TOGARAM2: variants seen among roughly 807,000 people sequenced by gnomAD.
The protein encoded by TOGARAM2 is TOG array regulator of axonemal microtubules 2, also known as TOG array regulator of axonemal microtubules protein 2.
Under a neutral mutation model 93.3 loss-of-function variants are expected in TOGARAM2, and 85 were observed. The ratio of observed to expected loss-of-function variants is 0.91; its 90% confidence interval spans 0.76 to 1.09. The LOEUF is 1.09. Ranked by LOEUF, TOGARAM2 falls within the 50% of genes least tolerant of loss-of-function variation. The pLI is 0.00. For synonymous variants in TOGARAM2, 593 were observed against 552.8 expected, an observed-to-expected ratio of 1.07 and a Z score of -1.02; for missense variants, 1,277 against 1,334.5, an observed-to-expected ratio of 0.96 and a Z score of 0.67.
chr2:28,975,409 C>G (rs368217832), intron 1 of TOGARAM2, among the ~76,000 whole-genome samples: 2 of 151,890 alleles, frequency 1.3e-5, no homozygotes, highest in African/African-American at 2.4e-5. Flanking sequence ...AGGATGGTCT[C>G]GATCTCCTGA....
Position 29,004,939 on chromosome 2 carries a change from T to TGCATGTGTGA in TOGARAM2, c.830+1258_830+1259insCATGTGTGAG, listed in dbSNP as rs1553338691. On this transcript the variant is annotated intron_variant, in intron 6 of 19. Coordinates refer to ENST00000379558, the MANE Select transcript of TOGARAM2 (RefSeq NM_199280.4). ...ATGTGTACGTGTGTGAGTGCATGTG[T>TGCATGTGTGA]GTGCATGTGTGTGCATGTGTATGTG... is the stretch of plus-strand genomic sequence containing the variant. Among the ~76,000 whole-genome samples, 791 of 106,824 alleles carry TGCATGTGTGA rather than the reference T, an allele frequency of 7.4e-3. 167 individuals carry two copies. Among genetic ancestry groups the TGCATGTGTGA allele is most frequent in the African/African-American group, 0.029 (758 of 26,354 alleles). 70.1% of individuals were successfully genotyped at this position (106,824 alleles called of 152,430 possible). A position where few individuals can be genotyped will look rare whatever the true frequency, so the allele number is the denominator to read the frequency against.
intron 19 of TOGARAM2, chr2:29,047,489 A>T (rs555011622): frequency 2.6e-5 from 4 of 152,342 alleles, no homozygotes; most frequent in African/African-American, 9.6e-5. Flanking sequence ...TTTTATTGAC[A>T]CAGGCGAGGC....
chr2:28,960,675 A>G lies in TOGARAM2; in HGVS notation c.-147+3978A>G, dbSNP rs1671790715. Among the ~76,000 whole-genome samples the G allele has an allele frequency of 2.0e-5, 3 of 152,088 alleles. 1 individual carries two copies. Among genetic ancestry groups the G allele is most frequent in the Admixed American group, 2.0e-4 (3 of 15,254 alleles). ...CTAAGTGAGTTTAACTCATTCCTGT[A>G]CCCTCTGTATTTTCTATCATCTGGA... On this transcript the variant is annotated intron_variant, in intron 1 of 6. Coordinates refer to the TOGARAM2 transcript ENST00000401723.
At chr2:29,004,750 GTGTC>G (rs1361541595) in intron 6 of TOGARAM2, among the ~76,000 whole-genome samples, 7 of 13,850 alleles carry the variant, frequency 5.1e-4, no homozygotes, top group Admixed American at 1.3e-3. Flanking sequence ...ATGTGTGTGT[GTGTC>G]TGAGTGTGTG....
chr2:29,004,888 G>A (rs1056221261), intron 6 of TOGARAM2, among the ~76,000 whole-genome samples: 46 of 150,170 alleles, frequency 3.1e-4, no homozygotes, highest in Non-Finnish European at 6.4e-4. Flanking sequence ...GAGTGTATGT[G>A]TACATGTGTG....
intron 1 of TOGARAM2, among the ~76,000 whole-genome samples, chr2:28,969,138 C>T (rs1000538991): frequency 3.9e-5 from 6 of 152,148 alleles, no homozygotes; most frequent in Admixed American, 3.3e-4. Context: ...GATGGAGCAC[C>T]GTGATAGGCC....
chr2:29,017,896 G>C lies in TOGARAM2; in HGVS notation c.1300G>C (p.Ala434Pro), dbSNP rs770863060. ...CATCCTGAGGAAGTGGGCCAGCCGG[G>C]CCTCCCTGCCCAGCATCCCCATCAG... ...SIILRKWASRASLPSIPISRQ... is the reference protein window; with the variant it reads ...SIILRKWASRPSLPSIPISRQ... The change falls in exon 10 of 20, where the codon GCC becomes CCC. Residue 434 changes from alanine (A) to proline (P), a missense_variant. Ala to Pro is a conservative substitution (Grantham distance 27). Transcript: ENST00000379558. 1.7e-5 allele frequency: 27 copies of C among 1,610,038 alleles called. No individual in the cohort carries two copies. The highest frequency in any genetic ancestry group is 2.0e-5 in the Non-Finnish European group (24 of 1,177,192).
upstream of TOGARAM2, among the ~76,000 whole-genome samples, chr2:28,978,139 T>C (rs1280835979): frequency 1.3e-5 from 2 of 152,168 alleles, no homozygotes; most frequent in African/African-American, 4.8e-5. Context: ...ACCCCTGGCC[T>C]CAGGTGATCT....
At chr2:28,993,646 C>A (rs1308960584) in intron 1 of TOGARAM2, among the ~76,000 whole-genome samples, 2 of 152,226 alleles carry the variant, frequency 1.3e-5, no homozygotes, top group African/African-American at 4.8e-5. Context: ...GAACTCATGT[C>A]TTGAGGTTCT....
At chr2:29,044,708 A>T (rs768522084) in intron 18 of TOGARAM2, among the ~76,000 whole-genome samples, 5 of 151,960 alleles carry the variant, frequency 3.3e-5, no homozygotes, top group Non-Finnish European at 7.4e-5. Context: ...TCCTAGCTCT[A>T]TGCCTGTTAC....
At chr2:28,987,970 G>T (rs1672544164) in intron 1 of TOGARAM2, among the ~76,000 whole-genome samples, 1 of 152,226 alleles carries the variant, frequency 6.6e-6, no homozygotes, top group Non-Finnish European at 1.5e-5. Flanking sequence ...GCAGTTGGGG[G>T]TGAAGTGGCT....
chr2:29,015,792 C>T (rs888460115), intron 8 of TOGARAM2, among the ~76,000 whole-genome samples: 1 of 152,132 alleles, frequency 6.6e-6, no homozygotes, highest in Non-Finnish European at 1.5e-5. Context: ...GTCCTGCCTA[C>T]GTGAAAGGCA....
intron 18 of TOGARAM2, among the ~76,000 whole-genome samples, chr2:29,044,255 A>G (rs1397169190): frequency 6.6e-6 from 1 of 152,174 alleles, no homozygotes; most frequent in East Asian, 1.9e-4. Context: ...AACCTCCCGA[A>G]AGGCATATTG....
chr2:29,014,602 G>A (rs868380781), intron 8 of TOGARAM2, 41 bp downstream of exon 8: 10 of 1,546,528 alleles, frequency 6.5e-6, no homozygotes, highest in Middle Eastern at 1.7e-4. Flanking sequence ...GGGCTGGAGT[G>A]GACCGCAGGC....
rs774557617 is a variant in TOGARAM2 at position 29,017,153 on chromosome 2, G to A, written c.1045-1G>A. The A allele has an allele frequency of 9.9e-6, 16 of 1,612,226 alleles. No homozygotes were observed. In the South Asian group the frequency reaches 1.8e-4, roughly 18 times the overall value. On this transcript the variant is annotated splice_acceptor_variant, in intron 8 of 19. Coordinates refer to ENST00000379558, the MANE Select transcript of TOGARAM2 (RefSeq NM_199280.4). LOFTEE classifies it high-confidence loss of function. ...TAGAGTTTGCCTTGACCTTGTGCCAGATCCAAGTCACCATCTCCAAGTCTG... is the reference window on the plus strand; with the variant it reads ...TAGAGTTTGCCTTGACCTTGTGCCAAATCCAAGTCACCATCTCCAAGTCTG...
chr2:28,994,761 C>T lies in TOGARAM2; in HGVS notation c.-74C>T. 1.3e-6 allele frequency: 2 copies of T among 1,504,346 alleles called. No individual in the cohort carries two copies. Among genetic ancestry groups the T allele is most frequent in the Non-Finnish European group, 1.8e-6 (2 of 1,104,270 alleles). The allele number at this position is 1,504,346 out of a possible 1,614,324, so 93.2% of individuals were successfully genotyped here. On this transcript the variant is annotated 5_prime_UTR_variant, in exon 2 of 20. Coordinates refer to ENST00000379558, the MANE Select transcript of TOGARAM2 (RefSeq NM_199280.4). ...TACAGGTCAGAGCCCTCCAGACCCC[C>T]AAGGACTGTACTCACTGCCCAGAAA...
chr2:29,022,303 T>G lies in TOGARAM2; in HGVS notation c.1506T>G (p.Ser502Arg). 1 of 1,613,878 alleles carries G rather than the reference T, an allele frequency of 6.2e-7. No homozygotes were observed. The highest frequency in any genetic ancestry group is 8.5e-7 in the Non-Finnish European group (1 of 1,179,834). The stretch of plus-strand genomic sequence containing the variant: ...ATGCACTCCAGTGCCTCAACAGCAG[T>G]GACTGGTGAGGAGATGCTTCCACCA... ...LRDALQCLNS[S>R]DWQMKEKGLV... Residue 502 changes from serine (S) to arginine (R), a missense_variant, in exon 11 of 20, where the codon AGT becomes AGG. Ser to Arg is a moderately radical substitution (Grantham distance 110, BLOSUM62 -1). Transcript: ENST00000379558.
intron 18 of TOGARAM2, among the ~76,000 whole-genome samples, chr2:29,044,968 T>TCATC (rs756862968): frequency 3.9e-5 from 6 of 152,042 alleles, no homozygotes; most frequent in Admixed American, 1.3e-4. Flanking sequence ...CTTCTCTCCA[T>TCATC]CATCCATCCA....
At chr2:28,991,317 C>T (rs1195243933) in intron 1 of TOGARAM2, among the ~76,000 whole-genome samples, 1 of 152,114 alleles carries the variant, frequency 6.6e-6, no homozygotes, top group Non-Finnish European at 1.5e-5. Context: ...TGGGTGCATA[C>T]TGGCTTGTGG....
Sources: allele counts gnomAD v4.1 joint callset (sites outside exome capture counted in the v4.1 genomes callset), GRCh38; gene constraint gnomAD v4.1.1; transcripts MANE v1.5; gene names NCBI Gene and HGNC (gene_info 2026-07-23, HGNC 2026-07-21).